The following TRIO variants were observed in gnomAD, a reference collection of about 807,000 sequenced individuals.
TRIO encodes the protein triple functional domain protein.
Under a neutral mutation model 351.9 loss-of-function variants are expected in TRIO, and 58 were observed. That is an observed-to-expected ratio of 0.16 (90% CI 0.13 to 0.21). The LOEUF is 0.21. TRIO is among the 10% of genes least tolerant of loss of function. TRIO has a pLI of 1.00. For missense variants in TRIO, 3,201 were observed against 4,027.8 expected (o/e 0.79, Z 5.56); for synonymous variants, 1,758 against 1,595.7 (o/e 1.10, Z -2.42).
intron 1 of TRIO, among the ~76,000 whole-genome samples, chr5:14,260,982 G>T (rs1486423415): frequency 4.6e-5 from 7 of 152,180 alleles, no homozygotes; most frequent in Non-Finnish European, 1.5e-5. Flanking sequence ...GATGAGGATT[G>T]CGGCTTCAGT....
At chr5:14,194,291 T>G (rs1272903960) in intron 1 of TRIO, among the ~76,000 whole-genome samples, 1 of 152,238 alleles carries the variant, frequency 6.6e-6, no homozygotes, top group Non-Finnish European at 1.5e-5. Context: ...GTAGATTGTT[T>G]TCTTTTGTAT....
chr5:14,334,856 A>G (rs1741249002), intron 10 of TRIO, among the ~76,000 whole-genome samples: 1 of 152,206 alleles, frequency 6.6e-6, no homozygotes. Flanking sequence ...CAGACCCTCC[A>G]CAGCAGAGCC....
intron 34 of TRIO, among the ~76,000 whole-genome samples, chr5:14,425,450 A>G (rs1341745702): frequency 6.6e-6 from 1 of 152,222 alleles, no homozygotes; most frequent in Non-Finnish European, 1.5e-5. Context: ...TTCAACATTC[A>G]TCTGCTGATG....
At chr5:14,207,711 CAGAG>C (rs372248634) in intron 1 of TRIO, among the ~76,000 whole-genome samples, 3 of 148,946 alleles carry the variant, frequency 2.0e-5, no homozygotes, top group African/African-American at 4.9e-5. Flanking sequence ...GACCTTGTCT[CAGAG>C]AGAGAGAGAG....
At chr5:14,506,250 G>A (rs1237417102) in intron 55 of TRIO, among the ~76,000 whole-genome samples, 1 of 152,190 alleles carries the variant, frequency 6.6e-6, no homozygotes, top group African/African-American at 2.4e-5. Flanking sequence ...GTCATTTCTG[G>A]GAAACAAAAT....
At chr5:14,234,073 A>C (rs1793630728) in intron 1 of TRIO, among the ~76,000 whole-genome samples, 1 of 152,206 alleles carries the variant, frequency 6.6e-6, no homozygotes, top group Non-Finnish European at 1.5e-5. Context: ...TGAGATAGGC[A>C]TGAGCCACCA....
intron 27 of TRIO, among the ~76,000 whole-genome samples, chr5:14,392,718 C>T (rs1035081857): frequency 9.2e-5 from 14 of 152,184 alleles, no homozygotes; most frequent in Non-Finnish European, 1.8e-4. Context: ...AAATGTGGCA[C>T]ATATACACCA....
intron 1 of TRIO, among the ~76,000 whole-genome samples, chr5:14,204,730 G>A (rs1458588360): frequency 6.6e-6 from 1 of 152,178 alleles, no homozygotes; most frequent in East Asian, 1.9e-4. Context: ...AGTGTAACAT[G>A]GAGAGTTAAC....
chr5:14,457,373 TCCCCCCCCCCCCCCGC>T (rs1221005493), intron 34 of TRIO, among the ~76,000 whole-genome samples: 2 of 48,926 alleles, frequency 4.1e-5, no homozygotes, highest in African/African-American at 1.4e-4. Flanking sequence ...AGCCCTGACC[TCCCCCCCCCCCCCCGC>T]CCCGCCCCCC....
At chr5:14,176,676 C>G (rs1252991043) in intron 1 of TRIO, among the ~76,000 whole-genome samples, 1 of 152,154 alleles carries the variant, frequency 6.6e-6, no homozygotes, top group Non-Finnish European at 1.5e-5. Flanking sequence ...CTTGGCCGGT[C>G]TTGAACTCCT....
chr5:14,300,265 C>T (rs765066132), intron 7 of TRIO, among the ~76,000 whole-genome samples: 16 of 152,344 alleles, frequency 1.1e-4, no homozygotes, highest in Non-Finnish European at 1.6e-4. Flanking sequence ...GATTTTGCTA[C>T]AGCTTAAAAT....
At chr5:14,380,768 G>A (rs940696382) in intron 20 of TRIO, among the ~76,000 whole-genome samples, 5 of 152,036 alleles carry the variant, frequency 3.3e-5, no homozygotes, top group Non-Finnish European at 7.4e-5. Context: ...TCATGCACAC[G>A]TATGTTTATT....
chr5:14,466,423 C>G (rs926220671), intron 37 of TRIO: 1 of 152,180 alleles, frequency 6.6e-6, no homozygotes, highest in Non-Finnish European at 1.5e-5. Flanking sequence ...CTCTTTGTTG[C>G]CAGTTGGCCA....
Position 14,368,837 on chromosome 5 carries a change from A to C in TRIO, c.3004A>C (p.Lys1002Gln). Residue 1002 changes from lysine to glutamine, a missense_variant, in exon 17 of 57, where the codon AAG becomes CAG. Lys to Gln is a moderately conservative substitution (Grantham distance 53). Around this residue, in one of 19 missense-constraint regions of TRIO, gnomAD observed 363 missense variants for 553.5 expected, o/e 0.66. Transcript: ENST00000344204. ...GTCTCACTGGCAACAGCTCATGCTC[A>C]AGATGGAAGATCGCCTCAAGCTCGT... Reference protein sequence around the residue: ...VASHWQQLMLKMEDRLKLVNA... With the variant: ...VASHWQQLMLQMEDRLKLVNA... The C allele has an allele frequency of 6.2e-7, 1 of 1,614,152 alleles. No homozygotes were observed.
At chr5:14,492,387 G>A (rs1196511738) in intron 48 of TRIO, 180 bp from the exon 49 acceptor site, 1 of 749,506 alleles carries the variant, frequency 1.3e-6, no homozygotes, top group African/African-American at 1.8e-5. Context: ...TTCAGTTATT[G>A]AAATAGATGC....
At chr5:14,144,824 G>GCCCGCGTCCCCGCGTCCCGCGTC (rs1170388164) in intron 1 of TRIO, among the ~76,000 whole-genome samples, 13 of 152,008 alleles carry the variant, frequency 8.6e-5, no homozygotes, top group South Asian at 2.1e-4. Context: ...CGCGAGCCGG[G>GCCCGCGTCCCCGCGTCCCGCGTC]CCCGCGTCCC....
At chr5:14,311,246 C>T (rs1314013381) in intron 8 of TRIO, among the ~76,000 whole-genome samples, 5 of 152,320 alleles carry the variant, frequency 3.3e-5, no homozygotes, top group East Asian at 1.9e-4. Flanking sequence ...CTGCTCCAGA[C>T]GTTTCCTGTT....
intron 41 of TRIO, among the ~76,000 whole-genome samples, chr5:14,478,700 C>A (rs1037464362): frequency 1.3e-5 from 2 of 151,522 alleles, no homozygotes; most frequent in Non-Finnish European, 2.9e-5. Context: ...TGCCTGTAAT[C>A]CCAACACTTT....
At chr5:14,317,454 T>G (rs1429995291) in intron 9 of TRIO, among the ~76,000 whole-genome samples, 1 of 152,128 alleles carries the variant, frequency 6.6e-6, no homozygotes, top group East Asian at 1.9e-4. Flanking sequence ...TCCTGGAGTA[T>G]GCAGGGTAGC....
Sources: allele counts gnomAD v4.1 joint callset (sites outside exome capture counted in the v4.1 genomes callset), GRCh38; gene constraint gnomAD v4.1.1; regional missense constraint gnomAD v4.1.1; transcripts MANE v1.5; gene names NCBI Gene and HGNC (gene_info 2026-07-23, HGNC 2026-07-21).